Variants in ZNF667 observed in about 807,000 individuals in gnomAD.
ZNF667 encodes the protein myocardial ischemic preconditioning upregulated 1 ortholog.
A neutral mutation model predicts 31.8 loss-of-function variants in ZNF667; 13 were observed. The ratio of observed to expected loss-of-function variants is 0.41; its 90% CI spans 0.27 to 0.65. The LOEUF (loss-of-function observed/expected upper bound fraction) is 0.65, where lower values mean the gene tolerates loss of function less well. Ranked by LOEUF, ZNF667 falls within the 30% of genes least tolerant of loss-of-function variation. The pLI, the probability that ZNF667 is intolerant of heterozygous loss-of-function variation, is 0.32. For missense variants in ZNF667, 642 were observed against 725.6 expected, an observed-to-expected ratio of 0.88 and a Z score of 1.32; for synonymous variants, 228 against 247.1, an observed-to-expected ratio of 0.92 and a Z score of 0.73.
At chr19:56,448,345 G>C (rs769579622) in intron 6 of ZNF667, among the ~76,000 whole-genome samples, 21 of 152,102 alleles carry the variant, frequency 1.4e-4, no homozygotes, top group Non-Finnish European at 2.4e-4. Context: ...GTTCCAGCAA[G>C]TACCCCCACC....
In ZNF667 at chr19:56,441,934, G is replaced by A; in HGVS notation, c.1061C>T (p.Ser354Leu). Residue 354 changes from serine to leucine, a missense_variant, in exon 7 of 7, where the codon TCA becomes TTA. Coordinates refer to ENST00000504904, the MANE Select transcript of ZNF667 (RefSeq NM_001321356.2). The surrounding 1 kb of genome is among the most constrained non-coding windows in gnomAD (Gnocchi z 4.2). ...PLMLHQRIHT[S>L]EKPYKCDKCD... ...TTTATCACATTTGTACGGTTTCTCTGAAGTGTGAATTCTCTGGTGAAGCAT... is the reference window on the plus strand; with the variant it reads ...TTTATCACATTTGTACGGTTTCTCTAAAGTGTGAATTCTCTGGTGAAGCAT... 1 of 1,614,158 alleles carries A rather than the reference G, an allele frequency of 6.2e-7. No homozygotes were observed.
chr19:56,441,106 A>G lies in ZNF667; in HGVS notation c.*56T>C. ...CAAAATTTACATTATAGACAAATAC[A>G]TATTTGCCATATGTTTGATAGCCTC... On this transcript the variant is annotated 3_prime_UTR_variant, in exon 7 of 7. Transcript: ENST00000504904. The surrounding 1 kb of genome is among the most constrained non-coding windows in gnomAD (Gnocchi z 4.2). 2 of 1,537,854 alleles carry G rather than the reference A, an allele frequency of 1.3e-6. No individual in the cohort carries two copies. Among genetic ancestry groups the G allele is most frequent in the South Asian group, 1.3e-5 (1 of 78,332 alleles).
chr19:56,453,561 T>C (rs1021553492), intron 6 of ZNF667, among the ~76,000 whole-genome samples: 1 of 152,186 alleles, frequency 6.6e-6, no homozygotes, highest in African/African-American at 2.4e-5. Flanking sequence ...ATGATATATA[T>C]AAACAGAATG....
Position 56,442,322 on chromosome 19 carries a change from T to A in ZNF667, c.673A>T (p.Lys225Ter). Residue 225 changes from lysine (K) to a stop codon, truncating the protein, a stop_gained, in exon 7 of 7, where the codon AAG becomes TAG. Transcript: ENST00000504904. LOFTEE classifies it low-confidence loss of function (END_TRUNC). ...LILHMRIHDG[K>*]EILDCGKALS... ...GCCTTCCCACAGTCAAGAATTTCCT[T>A]TCCATCATGAATTCTCATATGTAGA... 3 of 1,613,930 alleles carry A rather than the reference T, an allele frequency of 1.9e-6. No homozygotes were observed. The highest frequency in any genetic ancestry group is 2.5e-6 in the Non-Finnish European group (3 of 1,179,910).
intron 6 of ZNF667, among the ~76,000 whole-genome samples, chr19:56,448,546 C>A (rs1407394478): frequency 6.6e-6 from 1 of 152,048 alleles, no homozygotes; most frequent in East Asian, 1.9e-4. Flanking sequence ...CAACTCTCTC[C>A]CAACTCCAGG....
At chr19:56,468,256 A>T (rs1293646585) in intron 3 of ZNF667, 3 of 152,246 alleles carry the variant, frequency 2.0e-5, no homozygotes, top group Admixed American at 2.0e-4. Context: ...TTTTGGACAG[A>T]GGACACACAG....
At chr19:56,463,826 C>A (rs913797942) in intron 3 of ZNF667, among the ~76,000 whole-genome samples, 1 of 151,442 alleles carries the variant, frequency 6.6e-6, no homozygotes, top group Non-Finnish European at 1.5e-5. Flanking sequence ...GTGCCCAGCC[C>A]GGAACTCATT....
intron 3 of ZNF667, among the ~76,000 whole-genome samples, chr19:56,470,632 T>C (rs2043271883): frequency 6.6e-6 from 1 of 152,094 alleles, no homozygotes; most frequent in Non-Finnish European, 1.5e-5. Flanking sequence ...GGCATCGGTG[T>C]GGTGAAATGC....
intron 6 of ZNF667, among the ~76,000 whole-genome samples, chr19:56,443,626 T>G (rs1362714736): frequency 6.6e-6 from 1 of 152,156 alleles, no homozygotes; most frequent in African/African-American, 2.4e-5. Flanking sequence ...TATGATCTTA[T>G]AGAACCATGG....
chr19:56,461,320 A>G (rs2043040523), intron 4 of ZNF667, among the ~76,000 whole-genome samples: 1 of 152,226 alleles, frequency 6.6e-6, no homozygotes. Flanking sequence ...ACATGACAAA[A>G]GGTTCTTTGA....
chr19:56,454,348 C>T (rs2042891565), intron 6 of ZNF667, among the ~76,000 whole-genome samples: 2 of 151,980 alleles, frequency 1.3e-5, no homozygotes, highest in Admixed American at 1.3e-4. Context: ...TTATATGGAA[C>T]CACAAAAGAC....
chr19:56,467,119 C>T, intron 3 of ZNF667: 1 of 453,256 alleles, frequency 2.2e-6, no homozygotes, highest in Non-Finnish European at 4.4e-6. Context: ...CCAGGAGGGG[C>T]CTCTAATTAG....
intron 5 of ZNF667, among the ~76,000 whole-genome samples, 199 bp from the exon 6 acceptor site, chr19:56,458,446 C>T (rs554211490): frequency 6.6e-6 from 1 of 152,338 alleles, no homozygotes; most frequent in South Asian, 2.1e-4. Flanking sequence ...TTCCGGCACA[C>T]AGCTCCTTAA....
chr19:56,450,157 G>C (rs918686940), intron 6 of ZNF667, among the ~76,000 whole-genome samples: 12 of 151,980 alleles, frequency 7.9e-5, no homozygotes, highest in African/African-American at 2.4e-4. Context: ...TCCAAAGAAG[G>C]CTACCTCAGA....
chr19:56,468,785 C>T (rs950120127), intron 3 of ZNF667: 10 of 152,210 alleles, frequency 6.6e-5, no homozygotes, highest in Admixed American at 6.5e-4. Flanking sequence ...CCCAAGTGGG[C>T]TCAACATAAT....
chr19:56,467,010 G>C (rs1319874784), intron 3 of ZNF667: 4 of 456,574 alleles, frequency 8.8e-6, no homozygotes, highest in Non-Finnish European at 1.8e-5. Flanking sequence ...TCCTGTGCAA[G>C]ATCCAAGAAC....
At chr19:56,463,442 T>C (rs1343479667) in intron 3 of ZNF667, among the ~76,000 whole-genome samples, 1 of 152,112 alleles carries the variant, frequency 6.6e-6, no homozygotes, top group Non-Finnish European at 1.5e-5. Flanking sequence ...AGTCTATACC[T>C]ATGCTGTCCA....
chr19:56,441,646 T>C lies in ZNF667; in HGVS notation c.1349A>G (p.Lys450Arg). 1 of 1,614,110 alleles carries C rather than the reference T, an allele frequency of 6.2e-7. No individual in the cohort carries two copies. The highest frequency in any genetic ancestry group is 8.5e-7 in the Non-Finnish European group (1 of 1,180,014). ...EKPFKCNKCS[K>R]VFGRQSFLIE... The stretch of plus-strand genomic sequence containing the variant: ...AAGAAATGATTGGCGGCCGAAAACT[T>C]TACTACATTTATTGCATTTGAAAGG... Residue 450 changes from lysine (K) to arginine (R), a missense_variant, in exon 7 of 7, where the codon AAA (lysine) becomes AGA (arginine). Transcript: ENST00000504904. This position sits in a 1 kb window ranked among gnomAD's most constrained non-coding sequence, Gnocchi z 4.2.
chr19:56,466,085 T>C (rs2043153599), intron 3 of ZNF667, among the ~76,000 whole-genome samples: 1 of 152,168 alleles, frequency 6.6e-6, no homozygotes, highest in Admixed American at 6.5e-5. Context: ...CATGTGTTGT[T>C]CTAACTCGTT....
Sources: allele counts gnomAD v4.1 joint callset (sites outside exome capture counted in the v4.1 genomes callset), GRCh38; gene constraint gnomAD v4.1.1; non-coding constraint Gnocchi (gnomAD v3.1); transcripts MANE v1.5; gene names NCBI Gene and HGNC (gene_info 2026-07-23, HGNC 2026-07-21).